XKR6: variants seen among roughly 807,000 people sequenced by gnomAD.
XKR6 encodes XK-related protein 6.
Under a neutral mutation model 56.7 loss-of-function variants are expected in XKR6, and 22 were observed. The observed-to-expected ratio is 0.39, with a 90% CI of 0.28 to 0.55. The LOEUF is 0.55. XKR6 is among the 20% of genes least tolerant of loss of function. The probability of loss-of-function intolerance (pLI) is 0.66; values close to 1 mark genes in which losing one functional copy is unlikely to be tolerated. For missense variants in XKR6, 852 were observed against 889.0 expected, an observed-to-expected ratio of 0.96 and a Z score of 0.53; for synonymous variants, 524 against 387.8, an observed-to-expected ratio of 1.35 and a Z score of -4.13.
intron 1 of XKR6, among the ~76,000 whole-genome samples, chr8:11,125,026 T>C (rs1305762853): frequency 6.7e-6 from 1 of 148,716 alleles, no homozygotes; most frequent in African/African-American, 2.5e-5. Context: ...GAGGTGGAGC[T>C]TGCAGTGAGC....
chr8:11,009,491 G>C (rs184792809), intron 1 of XKR6, among the ~76,000 whole-genome samples: 17 of 152,330 alleles, frequency 1.1e-4, no homozygotes, highest in African/African-American at 4.1e-4. Flanking sequence ...GCCTTGGTGA[G>C]AGAGTGAGAT....
chr8:11,046,348 C>T (rs757028159), intron 1 of XKR6, among the ~76,000 whole-genome samples: 2 of 151,874 alleles, frequency 1.3e-5, no homozygotes, highest in African/African-American at 2.4e-5. Context: ...TGCAATGAGC[C>T]GAGGTTGTAC....
chr8:10,942,255 C>T (rs1357286736), intron 1 of XKR6, among the ~76,000 whole-genome samples: 2 of 152,250 alleles, frequency 1.3e-5, no homozygotes, highest in African/African-American at 2.4e-5. Context: ...CATCCACCCA[C>T]ATGGTCACAC....
intron 1 of XKR6, among the ~76,000 whole-genome samples, chr8:10,977,088 G>T (rs1362494229): frequency 6.6e-6 from 1 of 152,158 alleles, no homozygotes; most frequent in East Asian, 1.9e-4. Flanking sequence ...CACACAGCTG[G>T]TGAGGTTTTC....
chr8:10,979,451 G>C (rs1227181293), intron 1 of XKR6, among the ~76,000 whole-genome samples: 2 of 151,976 alleles, frequency 1.3e-5, no homozygotes, highest in Non-Finnish European at 2.9e-5. Context: ...CACCTTCCAA[G>C]GGGATAAGGC....
At chr8:11,195,446 T>G (rs1255413009) in intron 1 of XKR6, among the ~76,000 whole-genome samples, 1 of 152,196 alleles carries the variant, frequency 6.6e-6, no homozygotes, top group South Asian at 2.1e-4. Context: ...TATCAATATA[T>G]GTACAGACTC....
In XKR6 at chr8:11,201,383, C is replaced by T; in HGVS notation, c.-44G>A. On this transcript the variant is annotated 5_prime_UTR_variant, in exon 1 of 3. Coordinates refer to ENST00000416569, the MANE Select transcript of XKR6 (RefSeq NM_173683.4). ...TCCGGAGGTTGGGGGGGAGGGACGG[C>T]GGGGGGGGGGGGAAGAAGGCAGGGA... 6.4e-6 allele frequency: 1 copy of T among 155,876 alleles called. No individual in the cohort carries two copies. Among genetic ancestry groups the T allele is most frequent in the Non-Finnish European group, 1.1e-5 (1 of 88,066 alleles). The allele number at this position is 155,876 out of a possible 1,614,324, so 9.7% of individuals were successfully genotyped here.
chr8:10,955,398 C>T (rs1563310041), intron 1 of XKR6, among the ~76,000 whole-genome samples: 1 of 151,996 alleles, frequency 6.6e-6, no homozygotes, highest in Non-Finnish European at 1.5e-5. Flanking sequence ...CCAGGCTAGC[C>T]TTGAACTTTT....
At chr8:11,135,486 G>A (rs915289054) in intron 1 of XKR6, among the ~76,000 whole-genome samples, 6 of 152,088 alleles carry the variant, frequency 3.9e-5, no homozygotes, top group Non-Finnish European at 2.9e-5. Flanking sequence ...GTAACAATTA[G>A]GACTGGAAGA....
In XKR6 at chr8:11,067,265, A is replaced by G. The variant is rs571380272; in HGVS notation, c.764+133311T>C. ...GCCTGGGGCGGCAGCTTGAGGTCCTAAAATAAACCTGCACATTTGGCTTGA... is the reference window on the plus strand; with the variant it reads ...GCCTGGGGCGGCAGCTTGAGGTCCTGAAATAAACCTGCACATTTGGCTTGA... On this transcript the variant is annotated intron_variant, in intron 1 of 2. Coordinates refer to ENST00000416569, the MANE Select transcript of XKR6 (RefSeq NM_173683.4). Among the ~76,000 whole-genome samples, 23 of 152,232 alleles carry G rather than the reference A, an allele frequency of 1.5e-4. 1 individual carries two copies. In the South Asian group the frequency reaches 4.8e-3, roughly 32 times the overall value.
intron 1 of XKR6, among the ~76,000 whole-genome samples, chr8:11,011,531 C>T (rs1452405642): frequency 6.6e-6 from 1 of 152,154 alleles, no homozygotes; most frequent in Non-Finnish European, 1.5e-5. Context: ...ACGTCTATTC[C>T]AGACACTAAG....
At chr8:11,081,160 T>C (rs527457964) in intron 1 of XKR6, among the ~76,000 whole-genome samples, 30 of 152,324 alleles carry the variant, frequency 2.0e-4, no homozygotes, top group African/African-American at 7.0e-4. Flanking sequence ...CTGAGAAAAG[T>C]AAGGATACTT....
At chr8:11,044,949 G>C (rs969676473) in intron 1 of XKR6, among the ~76,000 whole-genome samples, 1 of 151,784 alleles carries the variant, frequency 6.6e-6, no homozygotes, top group Non-Finnish European at 1.5e-5. Context: ...AGAAAATGAA[G>C]GCTTAGAGAA....
chr8:11,164,982 C>A (rs547687005), intron 1 of XKR6, among the ~76,000 whole-genome samples: 18 of 151,506 alleles, frequency 1.2e-4, no homozygotes, highest in Middle Eastern at 3.4e-3. Context: ...CTTAAGTACA[C>A]CAAAGAACCA....
At chr8:11,031,107 G>A (rs7826139) in intron 1 of XKR6, among the ~76,000 whole-genome samples, 1 of 152,186 alleles carries the variant, frequency 6.6e-6, no homozygotes, top group Non-Finnish European at 1.5e-5. Flanking sequence ...TGTTTGAGAT[G>A]ACCCTGTTCA....
In XKR6 at chr8:11,200,523, G is replaced by A. The variant is rs1804152849; in HGVS notation, c.764+53C>T. The A allele has an allele frequency of 1.4e-6, 2 of 1,399,514 alleles. No individual in the cohort carries two copies. The highest frequency in any genetic ancestry group is 2.8e-5 in the East Asian group (1 of 35,268). 86.7% of individuals were successfully genotyped at this position (1,399,514 alleles called of 1,614,324 possible). ...GGGCCGCCCCGCGAAGCACCGGGAG[G>A]GCGGAGGGGGGCTCCTCAGGGCCGG... is the stretch of plus-strand genomic sequence containing the variant. On this transcript the variant is annotated intron_variant, in intron 1 of 2. Coordinates refer to ENST00000416569, the MANE Select transcript of XKR6 (RefSeq NM_173683.4). This position sits in a 1 kb window ranked among gnomAD's most constrained non-coding sequence, Gnocchi z 6.4.
At chr8:11,037,049 T>C (rs930975612) in intron 1 of XKR6, among the ~76,000 whole-genome samples, 1 of 152,170 alleles carries the variant, frequency 6.6e-6, no homozygotes, top group Non-Finnish European at 1.5e-5. Flanking sequence ...ATGATCCTAC[T>C]TATACTTATG....
At chr8:11,195,846 G>T (rs1448758864) in intron 1 of XKR6, among the ~76,000 whole-genome samples, 3 of 150,340 alleles carry the variant, frequency 2.0e-5, no homozygotes, top group Admixed American at 6.6e-5. Context: ...TAGAGATGGG[G>T]TTTCACCATG....
intron 1 of XKR6, among the ~76,000 whole-genome samples, chr8:11,115,023 C>T (rs148861239): frequency 6.6e-6 from 1 of 152,244 alleles, no homozygotes; most frequent in East Asian, 1.9e-4. Context: ...AGTCTGGAGT[C>T]GTCAGCCATC....
Sources: gnomAD v4.1 joint callset for allele counts (sites outside exome capture counted in the v4.1 genomes callset) on GRCh38, gnomAD v4.1.1 for gene constraint, Gnocchi (gnomAD v3.1) non-coding constraint, MANE v1.5 for transcripts, NCBI Gene and HGNC (gene_info 2026-07-23, HGNC 2026-07-21) for gene names.